Variants in SLC66A1 observed in about 807,000 individuals in gnomAD.
The protein encoded by SLC66A1 is lysosomal amino acid transporter 1 homolog.
Under a neutral mutation model 33.0 loss-of-function variants are expected in SLC66A1, and 23 were observed. The ratio of observed to expected loss-of-function variants is 0.70; its 90% CI spans 0.50 to 0.99. The LOEUF (loss-of-function observed/expected upper bound fraction) is 0.99, where lower values mean the gene tolerates loss of function less well. Among genes scored for constraint, SLC66A1 ranks in the 50% least tolerant of loss-of-function variants. The probability of loss-of-function intolerance (pLI) is 0.00; values close to 1 mark genes in which losing one functional copy is unlikely to be tolerated. For missense variants in SLC66A1, 335 were observed against 383.6 expected, an observed-to-expected ratio of 0.87 and a Z score of 1.06; for synonymous variants, 164 against 175.5, an observed-to-expected ratio of 0.93 and a Z score of 0.52.
rs1553263048 is a variant in SLC66A1 at position 19,325,640 on chromosome 1, G to GTT, written c.382+58_382+59insTT. Reference sequence around the variant, plus strand: ...CTACCAGCAGCAGGGGGCAGTTGTGGGGGGGGGCGCCTGGAGTGTGGGAGG... The same window carrying GTT: ...CTACCAGCAGCAGGGGGCAGTTGTGGTTGGGGGGGCGCCTGGAGTGTGGGAGG... On this transcript the variant is annotated intron_variant, in intron 4 of 7. Transcript: ENST00000375153. 1.7e-5 allele frequency: 20 copies of GTT among 1,166,760 alleles called. 2 individuals carry two copies. In the South Asian group the frequency reaches 1.9e-4, roughly 11 times the overall value. 72.3% of individuals were successfully genotyped at this position (1,166,760 alleles called of 1,614,324 possible).
At chr1:19,333,030 C>T (rs1165810874), downstream of SLC66A1, among the ~76,000 whole-genome samples, 2 of 152,180 alleles carry the variant, frequency 1.3e-5, no homozygotes, top group African/African-American at 4.8e-5. This position sits in a 1 kb window ranked among gnomAD's most constrained non-coding sequence, Gnocchi z 4.2. Context: ...GTGCTGTGCA[C>T]ACACGCTGCT....
chr1:19,315,166 C>T (rs898016808), intron 1 of SLC66A1, among the ~76,000 whole-genome samples: 4 of 152,242 alleles, frequency 2.6e-5, no homozygotes, highest in Non-Finnish European at 5.9e-5. Context: ...GCCTTGGCCT[C>T]CCAAAGTGCT....
chr1:19,326,164 A>G, intron 4 of SLC66A1, 81 bp from the exon 5 acceptor site: 1 of 1,383,364 alleles, frequency 7.2e-7, no homozygotes, highest in Non-Finnish European at 9.9e-7. Flanking sequence ...CCTGAGGGGC[A>G]AGGCCAGGAC....
At chr1:19,324,156 C>G (rs2093851154) in intron 2 of SLC66A1, among the ~76,000 whole-genome samples, 1 of 152,260 alleles carries the variant, frequency 6.6e-6, no homozygotes, top group Non-Finnish European at 1.5e-5. Flanking sequence ...TTCTGCCTGT[C>G]TTGGCTACAG....
In SLC66A1 at chr1:19,326,273, G is replaced by T. The variant is rs1339670007; in HGVS notation, c.411G>T (p.Leu137Phe). 6.2e-7 allele frequency: 1 copy of T among 1,606,420 alleles called. No individual in the cohort carries two copies. The highest frequency in any genetic ancestry group is 8.5e-7 in the Non-Finnish European group (1 of 1,179,822). The part of the protein sequence containing the change: ...LLSAPINSVL[L>F]FLMGMACATP... Reference sequence around the variant, plus strand: ...CTGCCCCCATCAACTCCGTGCTGTTGTTCCTCATGGGGATGGCGTGCGCCA... The same window carrying T: ...CTGCCCCCATCAACTCCGTGCTGTTTTTCCTCATGGGGATGGCGTGCGCCA... Residue 137 changes from leucine to phenylalanine, a missense_variant, in exon 5 of 8, where the codon TTG becomes TTT. Transcript: ENST00000375153.
In SLC66A1 at chr1:19,325,630, G is replaced by A; in HGVS notation, c.382+48G>A. The A allele has an allele frequency of 2.7e-6, 3 of 1,104,210 alleles. 1 individual carries two copies. The highest frequency in any genetic ancestry group is 2.5e-5 in the South Asian group (2 of 78,630). 68.4% of individuals were successfully genotyped at this position (1,104,210 alleles called of 1,614,324 possible). A position where few individuals can be genotyped will look rare whatever the true frequency, so the allele number is the denominator to read the frequency against. On this transcript the variant is annotated intron_variant, in intron 4 of 7. Coordinates refer to ENST00000375153, the MANE Select transcript of SLC66A1 (RefSeq NM_001040125.2). ...GTCAGATGCTCTACCAGCAGCAGGG[G>A]GCAGTTGTGGGGGGGGGCGCCTGGA...
At chr1:19,323,407 C>A (rs1343564394) in intron 2 of SLC66A1, among the ~76,000 whole-genome samples, 1 of 151,594 alleles carries the variant, frequency 6.6e-6, no homozygotes. Context: ...TTCTTTGTTT[C>A]TTTTTATTTT....
chr1:19,325,860 C>T (rs905263077), intron 4 of SLC66A1, among the ~76,000 whole-genome samples: 3 of 152,198 alleles, frequency 2.0e-5, no homozygotes, highest in Admixed American at 6.5e-5. Flanking sequence ...CCTCTGTGTC[C>T]GGCCCTGGGC....
chr1:19,312,439 C>A lies in SLC66A1; in HGVS notation c.-529C>A. The stretch of plus-strand genomic sequence containing the variant: ...GGCTTCCCTGCCACATCCTTCCAGC[C>A]CTCTCCTCCGGCCGCTGGACTGTCC... On this transcript the variant is annotated 5_prime_UTR_variant, in exon 1 of 8. Transcript: ENST00000375153. 1 of 187,406 alleles carries A rather than the reference C, an allele frequency of 5.3e-6. No homozygotes were observed. The highest frequency in any genetic ancestry group is 1.1e-5 in the Non-Finnish European group (1 of 91,434). The allele number at this position is 187,406 out of a possible 1,614,324, so 11.6% of individuals were successfully genotyped here.
chr1:19,318,983 G>A (rs997447521), intron 2 of SLC66A1, among the ~76,000 whole-genome samples: 1 of 152,080 alleles, frequency 6.6e-6, no homozygotes. Context: ...AGAGTGTGTG[G>A]GGGTCAGGGA....
intron 6 of SLC66A1, among the ~76,000 whole-genome samples, chr1:19,326,955 T>TA (rs767749427): frequency 3.9e-5 from 6 of 151,948 alleles, no homozygotes; most frequent in Non-Finnish European, 8.8e-5. Flanking sequence ...GCTGGGCAGC[T>TA]AGAGCCTGTG....
In SLC66A1 at chr1:19,324,788, C is replaced by T. The variant is rs779328313; in HGVS notation, c.294+26C>T. The T allele has an allele frequency of 8.1e-6, 13 of 1,612,522 alleles. No homozygotes were observed. In the East Asian group the frequency reaches 1.3e-4, roughly 17 times the overall value. ...GTGGGCCGGTACCCGGGCAAGGTGGCGCTACCCCTAACCCTGCTTCACCCT... is the reference window on the plus strand; with the variant it reads ...GTGGGCCGGTACCCGGGCAAGGTGGTGCTACCCCTAACCCTGCTTCACCCT... On this transcript the variant is annotated intron_variant, in intron 3 of 7. Transcript: ENST00000375153.
rs985770389 is a variant in SLC66A1, at chr1:19,328,382, G to A, written c.805-190G>A. Among the ~76,000 whole-genome samples the A allele has an allele frequency of 6.6e-6, 1 of 152,152 alleles. No individual in the cohort carries two copies. The highest frequency in any genetic ancestry group is 6.5e-5 in the Admixed American group (1 of 15,284). Reference sequence around the variant, plus strand: ...AGATGGAGCTTGGCTAGGGCTTGAGGAGCCGGGCAGAAGTTCTGAGTGGAG... The same window carrying A: ...AGATGGAGCTTGGCTAGGGCTTGAGAAGCCGGGCAGAAGTTCTGAGTGGAG... On this transcript the variant is annotated intron_variant, in intron 7 of 7. Transcript: ENST00000375153. This position sits in a 1 kb window ranked among gnomAD's most constrained non-coding sequence, Gnocchi z 4.7.
downstream of SLC66A1, among the ~76,000 whole-genome samples, chr1:19,333,217 G>A (rs2093897187): frequency 6.6e-6 from 1 of 152,046 alleles, no homozygotes; most frequent in South Asian, 2.1e-4. This position sits in a 1 kb window ranked among gnomAD's most constrained non-coding sequence, Gnocchi z 4.2. Flanking sequence ...CTGGTTTTTT[G>A]TTTTTGTTTT....
At chr1:19,333,003 G>T (rs574705029), downstream of SLC66A1, among the ~76,000 whole-genome samples, 33 of 152,308 alleles carry the variant, frequency 2.2e-4, no homozygotes, top group African/African-American at 7.0e-4. The surrounding 1 kb of genome is among the most constrained non-coding windows in gnomAD (Gnocchi z 4.2). Context: ...GAAGTGACAT[G>T]CGCAGTGCCT....
chr1:19,325,625 CA>C, intron 4 of SLC66A1, 43 bp downstream of exon 4: 1 of 1,045,370 alleles, frequency 9.6e-7, no homozygotes, highest in East Asian at 2.9e-5. Flanking sequence ...CTACCAGCAG[CA>C]GGGGGCAGTT....
downstream of SLC66A1, among the ~76,000 whole-genome samples, chr1:19,333,895 G>A (rs2093898186): frequency 1.6e-5 from 2 of 122,004 alleles, no homozygotes; most frequent in African/African-American, 6.8e-5. The surrounding 1 kb of genome is among the most constrained non-coding windows in gnomAD (Gnocchi z 4.2). Context: ...CAGAGACCTT[G>A]TCTCAAACAA....
In SLC66A1 at chr1:19,320,609, G is replaced by A. The variant is rs184056632; in HGVS notation, c.164+2768G>A. 6.6e-5 allele frequency among the ~76,000 whole-genome samples: 10 copies of A among 151,584 alleles called. No homozygotes were observed. The East Asian group carries it at 1.2e-3, about 18-fold the overall frequency. ...TTTGTATTTTTTTAGTAGAGACGGG[G>A]TTTCACCGTGTTAGCCAGGATGGTC... On this transcript the variant is annotated intron_variant, in intron 2 of 7. Transcript: ENST00000375153.
rs2093883028 is a variant in SLC66A1, at chr1:19,328,737, C to T, written c.*94C>T. 2.2e-6 allele frequency: 3 copies of T among 1,381,966 alleles called. No homozygotes were observed. Among genetic ancestry groups the T allele is most frequent in the Non-Finnish European group, 3.0e-6 (3 of 1,000,752 alleles). The allele number at this position is 1,381,966 out of a possible 1,614,324, so 85.6% of individuals were successfully genotyped here. A position where few individuals can be genotyped will look rare whatever the true frequency, so the allele number is the denominator to read the frequency against. ...CAGTGATGGTACGGCGGCCCTGCAT[C>T]AGCCTGCGGGTGGCCTCTGGATCCT... On this transcript the variant is annotated 3_prime_UTR_variant, in exon 8 of 8. Transcript: ENST00000375153. This position sits in a 1 kb window ranked among gnomAD's most constrained non-coding sequence, Gnocchi z 4.7.
Sources: gnomAD v4.1 joint callset for allele counts (sites outside exome capture counted in the v4.1 genomes callset) on GRCh38, gnomAD v4.1.1 for gene constraint, Gnocchi (gnomAD v3.1) non-coding constraint, MANE v1.5 for transcripts, NCBI Gene and HGNC (gene_info 2026-07-23, HGNC 2026-07-21) for gene names.